The following WDR93 variants were observed in gnomAD, a reference collection of about 807,000 sequenced individuals.
WDR93 encodes WD repeat domain 93, also known as WD repeat-containing protein 93.
Under a neutral mutation model 82.9 loss-of-function variants are expected in WDR93, and 73 were observed. That is an observed-to-expected ratio of 0.88 (90% CI 0.73 to 1.07). The LOEUF (loss-of-function observed/expected upper bound fraction) is 1.07, where lower values mean the gene tolerates loss of function less well. WDR93 is among the 50% of genes least tolerant of loss of function. The pLI is 0.00. For missense variants in WDR93, 738 were observed against 826.0 expected, an observed-to-expected ratio of 0.89 and a Z score of 1.31; for synonymous variants, 283 against 300.1, an observed-to-expected ratio of 0.94 and a Z score of 0.59.
intron 8 of WDR93, among the ~76,000 whole-genome samples, chr15:89,724,723 T>A (rs1299756118): frequency 6.6e-6 from 1 of 152,176 alleles, no homozygotes; most frequent in Admixed American, 6.5e-5. Context: ...TCACCATCAT[T>A]AGTCTGCAGG....
intron 16 of WDR93, among the ~76,000 whole-genome samples, chr15:89,742,174 G>C (rs1001302682): frequency 8.5e-5 from 13 of 152,126 alleles, no homozygotes; most frequent in African/African-American, 3.1e-4. Context: ...ATCACTTGAC[G>C]CCAGGAGTTC....
In WDR93 at chr15:89,743,296, C is replaced by T. The variant is rs189442055; in HGVS notation, c.1966C>T (p.Arg656Trp). The change falls in exon 17 of 17, where the codon CGG becomes TGG. Residue 656 changes from arginine to tryptophan, a missense_variant. By Grantham distance (101) the Arg-to-Trp change is moderately radical. Transcript: ENST00000268130. ...TCACAGTTGTGTGGCCCTCAGCTAT[C>T]GGAAGCTGGAGAAGAACCCAGAGAA... The part of the protein sequence containing the change: ...RCERFLQKSY[R>W]KLEKNPEKEE... 16 of 1,614,136 alleles carry T rather than the reference C, an allele frequency of 9.9e-6. No homozygotes were observed. Among genetic ancestry groups the T allele is most frequent in the East Asian group, 2.2e-5 (1 of 44,870 alleles).
chr15:89,712,166 T>A, intron 5 of WDR93, 62 bp downstream of exon 5: 1 of 1,355,292 alleles, frequency 7.4e-7, no homozygotes, highest in Non-Finnish European at 1.0e-6. Flanking sequence ...TTCCAAATGA[T>A]TGCTTTTGTC....
chr15:89,730,158 C>G (rs1966847457), intron 11 of WDR93, among the ~76,000 whole-genome samples: 1 of 152,118 alleles, frequency 6.6e-6, no homozygotes, highest in Non-Finnish European at 1.5e-5. Flanking sequence ...AACCCCATCT[C>G]TACTAAAAAT....
At chr15:89,692,654 G>A (rs568648513) in intron 1 of WDR93, among the ~76,000 whole-genome samples, 43 of 152,324 alleles carry the variant, frequency 2.8e-4, no homozygotes, top group Admixed American at 5.9e-4. Flanking sequence ...TTATTGCCCA[G>A]GCTGGAGTGC....
At chr15:89,742,514 A>AT (rs987214319) in intron 16 of WDR93, among the ~76,000 whole-genome samples, 85 of 150,608 alleles carry the variant, frequency 5.6e-4, no homozygotes, top group African/African-American at 1.8e-3. Context: ...TGCACTTATT[A>AT]TTTTTTTTTA....
chr15:89,734,012 T>TGC lies in WDR93; in HGVS notation c.1544+802_1544+803dup, dbSNP rs201252466. 1.1e-3 allele frequency among the ~76,000 whole-genome samples: 169 copies of TGC among 151,744 alleles called. 1 individual carries two copies. Among genetic ancestry groups the TGC allele is most frequent in the Middle Eastern group, 3.4e-3 (1 of 294 alleles). ...TGTATAATGTGTGTGTGTGTGTGTG[T>TGC]GCGCGCGCGCATGTGTGTACGTGTG... On this transcript the variant is annotated intron_variant, in intron 13 of 16. Coordinates refer to ENST00000268130, the MANE Select transcript of WDR93 (RefSeq NM_020212.2).
At chr15:89,740,866 G>A (rs1967614820) in intron 16 of WDR93, among the ~76,000 whole-genome samples, 3 of 152,146 alleles carry the variant, frequency 2.0e-5, no homozygotes, top group South Asian at 2.1e-4. Flanking sequence ...TTGGCCGGGC[G>A]CGGTGGCTCA....
Position 89,705,554 on chromosome 15 carries a change from G to A in WDR93, c.497G>A (p.Gly166Asp), listed in dbSNP as rs1965690292. The part of the protein sequence containing the change: ...EILIAPVDEM[G>D]IIRLFYFYKE... ...ATTCTCACTTATTTTTCTGTTTCAG[G>A]TATCATTAGACTCTTTTATTTTTAT... is the stretch of plus-strand genomic sequence containing the variant. The change falls in exon 4 of 17, where the codon GGT becomes GAT. Residue 166 changes from glycine to aspartate, a missense_variant and splice_region_variant. By Grantham distance (94) the Gly-to-Asp change is moderately conservative. Coordinates refer to ENST00000268130, the MANE Select transcript of WDR93 (RefSeq NM_020212.2). 9 of 1,502,470 alleles carry A rather than the reference G, an allele frequency of 6.0e-6. No individual in the cohort carries two copies. Among genetic ancestry groups the A allele is most frequent in the African/African-American group, 1.4e-5 (1 of 72,388 alleles). 93.1% of individuals were successfully genotyped at this position (1,502,470 alleles called of 1,614,324 possible). A position where few individuals can be genotyped will look rare whatever the true frequency, so the allele number is the denominator to read the frequency against.
chr15:89,733,311 A>G, intron 13 of WDR93, 92 bp downstream of exon 13: 1 of 1,212,260 alleles, frequency 8.2e-7, no homozygotes, highest in South Asian at 1.4e-5. Context: ...CTCTGACTAC[A>G]GTCCACCTTT....
rs1404776683 is a variant in WDR93, at chr15:89,729,019, C to T, written c.1053-4C>T. ...GCTCTGACTCGTGTGTCTTTCTTTC[C>T]CAGTACGGCCACCTTCTATTTCCTT... On this transcript the variant is annotated splice_polypyrimidine_tract_variant and splice_region_variant and intron_variant, in intron 9 of 16. Coordinates refer to ENST00000268130, the MANE Select transcript of WDR93 (RefSeq NM_020212.2). 1 of 1,613,962 alleles carries T rather than the reference C, an allele frequency of 6.2e-7. No individual in the cohort carries two copies. Among genetic ancestry groups the T allele is most frequent in the Non-Finnish European group, 8.5e-7 (1 of 1,179,842 alleles).
rs373467121 is a variant in WDR93, at chr15:89,740,877, C to T, written c.1962-2415C>T. On this transcript the variant is annotated intron_variant, in intron 16 of 16. Transcript: ENST00000268130. ...TAAATTGGCCGGGCGCGGTGGCTCA[C>T]ACCTGTAATCCCAGCACTTTGGGAG... Among the ~76,000 whole-genome samples the T allele has an allele frequency of 7.9e-5, 12 of 152,172 alleles. No individual in the cohort carries two copies. In the South Asian group the frequency reaches 1.5e-3, roughly 18 times the overall value.
intron 11 of WDR93, 58 bp from the exon 12 acceptor site, chr15:89,731,385 A>C: frequency 6.2e-7 from 1 of 1,601,880 alleles, no homozygotes; most frequent in South Asian, 1.1e-5. Flanking sequence ...GTCCAGGTAG[A>C]AGTGATGGGT....
intron 2 of WDR93, among the ~76,000 whole-genome samples, chr15:89,702,480 A>G (rs578086977): frequency 6.6e-6 from 1 of 152,082 alleles, no homozygotes; most frequent in African/African-American, 2.4e-5. Context: ...GTGAAATACT[A>G]TGAATTTCTT....
At chr15:89,737,006 T>C (rs2141714098) in intron 14 of WDR93, among the ~76,000 whole-genome samples, 1 of 152,264 alleles carries the variant, frequency 6.6e-6, no homozygotes, top group South Asian at 2.1e-4. Context: ...TTAGCCAGGA[T>C]GGTCTCGATC....
chr15:89,728,660 A>G (rs1966830015), intron 9 of WDR93, among the ~76,000 whole-genome samples: 1 of 152,226 alleles, frequency 6.6e-6, no homozygotes, highest in African/African-American at 2.4e-5. Context: ...TATCAGCACA[A>G]CACTGGCTGT....
At chr15:89,724,630 C>G (rs937780466) in intron 8 of WDR93, among the ~76,000 whole-genome samples, 4 of 151,970 alleles carry the variant, frequency 2.6e-5, no homozygotes, top group African/African-American at 9.7e-5. Context: ...GAGGGAGAAT[C>G]CAGTACAAAA....
intron 14 of WDR93, 125 bp from the exon 15 acceptor site, chr15:89,737,448 C>T: frequency 7.7e-7 from 1 of 1,306,648 alleles, no homozygotes; most frequent in Admixed American, 2.0e-5. Flanking sequence ...GATCCAGAGG[C>T]TGGGGCCCAA....
intron 7 of WDR93, 86 bp downstream of exon 7, chr15:89,717,035 CTTTT>C (rs1195516895): frequency 1.5e-4 from 51 of 346,332 alleles, no homozygotes; most frequent in African/African-American, 1.3e-3. Flanking sequence ...CTTTTCTTTT[CTTTT>C]TCTTTCTTTT....
Sources: gnomAD v4.1 joint callset for allele counts (sites outside exome capture counted in the v4.1 genomes callset) on GRCh38, gnomAD v4.1.1 for gene constraint, MANE v1.5 for transcripts, NCBI Gene and HGNC (gene_info 2026-07-23, HGNC 2026-07-21) for gene names.